RRP12: variants seen among roughly 807,000 people sequenced by gnomAD.
RRP12 encodes the protein ribosomal RNA processing 12 homolog.
In RRP12, 78 loss-of-function variants were observed where a neutral mutation model predicts 157.3. The observed-to-expected ratio is 0.50, with a 90% CI of 0.41 to 0.60. RRP12 has a LOEUF of 0.60. Ranked by LOEUF, RRP12 falls within the 20% of genes least tolerant of loss-of-function variation. RRP12 has a pLI of 0.00. For missense variants in RRP12, 1,521 were observed against 1,679.9 expected (o/e 0.91, Z 1.65); for synonymous variants, 726 against 670.9 (o/e 1.08, Z -1.27).
intron 29 of RRP12, among the ~76,000 whole-genome samples, chr10:97,364,548 C>T (rs964859183): frequency 3.3e-5 from 5 of 152,200 alleles, no homozygotes; most frequent in Admixed American, 2.6e-4. Flanking sequence ...AAAACCCCAT[C>T]ACTACTAAAA....
At chr10:97,398,491 T>C (rs1368320257) in intron 2 of RRP12, among the ~76,000 whole-genome samples, 1 of 150,446 alleles carries the variant, frequency 6.6e-6, no homozygotes, top group Non-Finnish European at 1.5e-5. Flanking sequence ...GTAGCTGGGA[T>C]TACAGGCGCA....
At position 97,367,092 on chromosome 10, in the gene RRP12, T is replaced by G. The variant is rs769510817; in HGVS notation, c.2996A>C (p.His999Pro). 3 of 1,614,080 alleles carry G rather than the reference T, an allele frequency of 1.9e-6. No homozygotes were observed. The highest frequency in any genetic ancestry group is 2.5e-6 in the Non-Finnish European group (3 of 1,180,038). The change falls in exon 26 of 34, where the codon CAC becomes CCC. Residue 999 changes from histidine to proline, a missense_variant. Coordinates refer to ENST00000370992, the MANE Select transcript of RRP12 (RefSeq NM_015179.4). ...IGKLSDDMRR[H>P]FRMKLRNLFT... ...CAGGTTCCGAAGCTTCATGCGGAAG[T>G]GCCGCCGCATGTCATCTGAAAGCTT... is the stretch of plus-strand genomic sequence containing the variant.
rs144081129 is a variant in RRP12 at position 97,383,285 on chromosome 10, C to T, written c.1209-1459G>A. 3.9e-5 allele frequency among the ~76,000 whole-genome samples: 6 copies of T among 152,272 alleles called. No homozygotes were observed. In the South Asian group the frequency reaches 6.2e-4, roughly 16 times the overall value. On this transcript the variant is annotated intron_variant, in intron 10 of 33. Coordinates refer to ENST00000370992, the MANE Select transcript of RRP12 (RefSeq NM_015179.4). Reference sequence around the variant, plus strand: ...ATTTTTGTACACCTCCCAGTAAAGGCGGTTTGATGCAGGAAAAAGAATGTG... The same window carrying T: ...ATTTTTGTACACCTCCCAGTAAAGGTGGTTTGATGCAGGAAAAAGAATGTG...
chr10:97,390,364 CA>C (rs1337844243), intron 6 of RRP12, 58 bp downstream of exon 6: 1 of 1,316,634 alleles, frequency 7.6e-7, no homozygotes, highest in Non-Finnish European at 1.1e-6. Flanking sequence ...GTCTGGGCTG[CA>C]CTGGGCTGAG....
At chr10:97,365,784 A>T in intron 29 of RRP12, 3 of 232,818 alleles carry the variant, frequency 1.3e-5, no homozygotes, top group African/African-American at 2.4e-5. Context: ...AAAAAAAAAG[A>T]GGAAGGAAGA....
chr10:97,387,328 CTTTTTCCTTTTTTTTTT>C (rs1844661961), intron 8 of RRP12, among the ~76,000 whole-genome samples: 1 of 146,598 alleles, frequency 6.8e-6, no homozygotes, highest in African/African-American at 2.5e-5. Context: ...CCTTTTTTTT[CTTTTTCCTTTTTTTTTT>C]TTTTTGACAT....
At chr10:97,365,964 A>T (rs1843963956) in intron 29 of RRP12, 144 bp downstream of exon 29, 1 of 1,033,678 alleles carries the variant, frequency 9.7e-7, no homozygotes, top group Admixed American at 2.2e-5. Flanking sequence ...GTTTCTCAAA[A>T]AAAGTTTGAG....
intron 23 of RRP12, 29 bp downstream of exon 23, chr10:97,370,426 G>A (rs1453809953): frequency 1.3e-6 from 2 of 1,519,538 alleles, no homozygotes; most frequent in Non-Finnish European, 1.8e-6. Flanking sequence ...TATGAGCAGA[G>A]TGTCCACCCC....
chr10:97,378,511 A>G (rs1246250949), intron 15 of RRP12, among the ~76,000 whole-genome samples: 5 of 152,176 alleles, frequency 3.3e-5, no homozygotes, highest in African/African-American at 1.2e-4. Context: ...CATCATTGAA[A>G]CGTCATGTGG....
At chr10:97,395,298 T>C (rs7903977) in intron 3 of RRP12, among the ~76,000 whole-genome samples, 143,661 of 151,862 alleles carry the variant, frequency 0.95, 68,104 homozygotes, top group Non-Finnish European at 0.98. Context: ...CACCTGTAAT[T>C]CCAGCACTTT....
chr10:97,360,118 C>A (rs750518064), intron 31 of RRP12, among the ~76,000 whole-genome samples: 1 of 152,202 alleles, frequency 6.6e-6, no homozygotes, highest in Non-Finnish European at 1.5e-5. Context: ...AGAGGGGAAC[C>A]CTCTGGCCAG....
intron 4 of RRP12, 73 bp downstream of exon 4, chr10:97,393,611 C>T (rs1283604045): frequency 5.3e-6 from 6 of 1,132,972 alleles, no homozygotes. Flanking sequence ...TTCCCTGATC[C>T]TGTTTCTCCT....
chr10:97,358,430 C>T, intron 33 of RRP12, 107 bp downstream of exon 33: 1 of 814,722 alleles, frequency 1.2e-6, no homozygotes. Context: ...CTGGAAGAGA[C>T]TCAAATTGAG....
At chr10:97,389,336 G>GC (rs1219870421) in intron 6 of RRP12, among the ~76,000 whole-genome samples, 8 of 151,982 alleles carry the variant, frequency 5.3e-5, no homozygotes, top group African/African-American at 1.9e-4. Context: ...CTCGTGATCC[G>GC]CCCGCCTCGG....
intron 4 of RRP12, 73 bp downstream of exon 4, chr10:97,393,611 C>A: frequency 8.8e-7 from 1 of 1,133,090 alleles, no homozygotes; most frequent in Non-Finnish European, 1.3e-6. Context: ...TTCCCTGATC[C>A]TGTTTCTCCT....
chr10:97,358,843 G>A (rs1843774891), intron 32 of RRP12, 100 bp downstream of exon 32: 8 of 998,248 alleles, frequency 8.0e-6, no homozygotes, highest in Non-Finnish European at 1.2e-5. Context: ...TGAGTTCCAG[G>A]AAGGTGCCTC....
intron 25 of RRP12, among the ~76,000 whole-genome samples, chr10:97,368,277 C>A (rs911498561): frequency 1.3e-5 from 2 of 151,496 alleles, no homozygotes; most frequent in Admixed American, 6.6e-5. Context: ...AGTGATCCAC[C>A]CACCTTGGCA....
At chr10:97,387,993 T>C (rs977832377) in intron 8 of RRP12, 6 of 434,220 alleles carry the variant, frequency 1.4e-5, no homozygotes, top group African/African-American at 1.3e-4. Context: ...ATAGAGCTGG[T>C]GCAGAAGGAG....
intron 6 of RRP12, 140 bp downstream of exon 6, chr10:97,390,283 A>G: frequency 1.4e-6 from 1 of 693,900 alleles, no homozygotes; most frequent in Non-Finnish European, 2.6e-6. Context: ...ATCTAAATGC[A>G]TGGTGCCTCA....
Sources: allele counts gnomAD v4.1 joint callset (sites outside exome capture counted in the v4.1 genomes callset), GRCh38; gene constraint gnomAD v4.1.1; transcripts MANE v1.5; gene names NCBI Gene and HGNC (gene_info 2026-07-23, HGNC 2026-07-21).